PITPNC1: variants seen among roughly 807,000 people sequenced by gnomAD.
PITPNC1 encodes phosphatidylinositol transfer protein cytoplasmic 1.
In PITPNC1, 18 loss-of-function variants were observed where a neutral mutation model predicts 44.7. The observed-to-expected ratio is 0.40, with a 90% CI of 0.28 to 0.60. The LOEUF (loss-of-function observed/expected upper bound fraction) is 0.60, where lower values mean the gene tolerates loss of function less well. PITPNC1 is among the 20% of genes least tolerant of loss of function. The pLI, the probability that PITPNC1 is intolerant of heterozygous loss-of-function variation, is 0.39. For missense variants in PITPNC1, 290 were observed against 418.4 expected, an observed-to-expected ratio of 0.69 and a Z score of 2.68; for synonymous variants, 141 against 149.6, an observed-to-expected ratio of 0.94 and a Z score of 0.42.
chr17:67,667,848 C>T (rs969131652), intron 6 of PITPNC1, among the ~76,000 whole-genome samples: 8 of 151,714 alleles, frequency 5.3e-5, no homozygotes, highest in African/African-American at 1.2e-4. Context: ...GGCATGGTGG[C>T]GGGTGCCTGT....
chr17:67,669,788 T>G, intron 7 of PITPNC1, 125 bp downstream of exon 7: 1 of 682,538 alleles, frequency 1.5e-6, no homozygotes. Context: ...AAACACTTTT[T>G]GGGCCGGTTG....
At chr17:67,405,795 T>C (rs1333755308) in intron 1 of PITPNC1, among the ~76,000 whole-genome samples, 5 of 151,982 alleles carry the variant, frequency 3.3e-5, no homozygotes, top group African/African-American at 7.2e-5. Flanking sequence ...TTAGTAGAGA[T>C]GGGGTTTCGC....
At chr17:67,448,997 C>T (rs2039139543) in intron 1 of PITPNC1, among the ~76,000 whole-genome samples, 1 of 152,196 alleles carries the variant, frequency 6.6e-6, no homozygotes, top group African/African-American at 2.4e-5. Context: ...GAACTCCTGA[C>T]CTCAGGCAAT....
chr17:67,661,158 C>G (rs1443765411), intron 6 of PITPNC1, among the ~76,000 whole-genome samples: 1 of 151,482 alleles, frequency 6.6e-6, no homozygotes, highest in Non-Finnish European at 1.5e-5. Context: ...GAATCACATT[C>G]TTAAATTAGC....
intron 5 of PITPNC1, among the ~76,000 whole-genome samples, chr17:67,583,865 T>TTGTGTGTGTGTGTGTGTGTGTGTGTGTG (rs771258752): frequency 8.4e-6 from 1 of 118,346 alleles, no homozygotes; most frequent in Admixed American, 9.2e-5. Context: ...CTGGCTAATT[T>TTGTGTGTGTGTGTGTGTGTGTGTGTGTG]TGTGTGTGTG....
intron 1 of PITPNC1, among the ~76,000 whole-genome samples, chr17:67,482,288 A>G (rs994328637): frequency 6.6e-6 from 1 of 152,168 alleles, no homozygotes; most frequent in Non-Finnish European, 1.5e-5. Context: ...AAGCTTTTTA[A>G]TATGGTTATC....
At chr17:67,551,826 A>T (rs1406756668) in intron 2 of PITPNC1, among the ~76,000 whole-genome samples, 1 of 152,146 alleles carries the variant, frequency 6.6e-6, no homozygotes, top group African/African-American at 2.4e-5. Flanking sequence ...TCAAAATGTC[A>T]CTTGTATGAG....
chr17:67,381,573 T>A (rs1481960524), intron 1 of PITPNC1, among the ~76,000 whole-genome samples: 1 of 149,742 alleles, frequency 6.7e-6, no homozygotes, highest in Non-Finnish European at 1.5e-5. Flanking sequence ...TTCACGCGAG[T>A]CTCCTGCCTC....
intron 5 of PITPNC1, among the ~76,000 whole-genome samples, chr17:67,598,380 C>A (rs961334351): frequency 1.3e-5 from 2 of 152,232 alleles, no homozygotes; most frequent in Non-Finnish European, 2.9e-5. Context: ...GTGCTACCAA[C>A]TAAGGCGAGG....
intron 1 of PITPNC1, among the ~76,000 whole-genome samples, chr17:67,509,940 G>C (rs1330351592): frequency 6.6e-6 from 1 of 152,160 alleles, no homozygotes; most frequent in Non-Finnish European, 1.5e-5. Context: ...GAAACGTCTA[G>C]AACACAGCCG....
At chr17:67,683,162 C>CA (rs901577194) in intron 8 of PITPNC1, among the ~76,000 whole-genome samples, 1,879 of 40,694 alleles carry the variant, frequency 0.046, 106 homozygotes, top group African/African-American at 0.089. Context: ...AACTGAGTCT[C>CA]AAAAAAAAAA....
intron 1 of PITPNC1, among the ~76,000 whole-genome samples, chr17:67,529,409 G>C (rs1359073225): frequency 6.6e-6 from 1 of 152,192 alleles, no homozygotes; most frequent in Non-Finnish European, 1.5e-5. Context: ...CAGTACTTTG[G>C]TTTAGAGGTG....
At chr17:67,394,178 G>A (rs959341432) in intron 1 of PITPNC1, among the ~76,000 whole-genome samples, 1 of 151,946 alleles carries the variant, frequency 6.6e-6, no homozygotes, top group African/African-American at 2.4e-5. Flanking sequence ...CTGATTCTTA[G>A]ATCAAAAGCA....
intron 4 of PITPNC1, among the ~76,000 whole-genome samples, chr17:67,570,966 GA>G: frequency 6.6e-6 from 1 of 152,068 alleles, no homozygotes; most frequent in Non-Finnish European, 1.5e-5. Flanking sequence ...TAATAAGTCA[GA>G]AAAAGCACCA....
chr17:67,393,155 G>A (rs1036337110), intron 1 of PITPNC1, among the ~76,000 whole-genome samples: 2 of 150,520 alleles, frequency 1.3e-5, no homozygotes, highest in Non-Finnish European at 3.0e-5. Context: ...GCAGAAAAAT[G>A]TGTTAAAAAT....
intron 4 of PITPNC1, among the ~76,000 whole-genome samples, chr17:67,566,102 A>G (rs2040977175): frequency 6.6e-6 from 1 of 151,682 alleles, no homozygotes; most frequent in Non-Finnish European, 1.5e-5. Flanking sequence ...CTTGTTTCCA[A>G]GTTTTTTTAT....
chr17:67,649,352 C>T (rs1434281901), intron 6 of PITPNC1, among the ~76,000 whole-genome samples: 2 of 152,226 alleles, frequency 1.3e-5, no homozygotes, highest in African/African-American at 2.4e-5. Flanking sequence ...TGAGATGGAA[C>T]CATGGGAGTG....
chr17:67,555,787 T>G (rs2040830725), intron 4 of PITPNC1, among the ~76,000 whole-genome samples: 1 of 151,848 alleles, frequency 6.6e-6, no homozygotes, highest in Non-Finnish European at 1.5e-5. Context: ...GAGGTTGCAG[T>G]GAGCTGAGAT....
intron 5 of PITPNC1, among the ~76,000 whole-genome samples, chr17:67,614,809 T>C (rs1339932383): frequency 1.3e-5 from 2 of 151,912 alleles, no homozygotes; most frequent in Non-Finnish European, 2.9e-5. Context: ...CCCCAGGAGT[T>C]TGAGAGCAGC....
Sources: allele counts gnomAD v4.1 joint callset (sites outside exome capture counted in the v4.1 genomes callset), GRCh38; gene constraint gnomAD v4.1.1; transcripts MANE v1.5; gene names NCBI Gene and HGNC (gene_info 2026-07-23, HGNC 2026-07-21).